The following DAAM2 variants were observed in gnomAD, a reference collection of about 807,000 sequenced individuals.
DAAM2 encodes the protein dishevelled associated activator of morphogenesis 2.
Under a neutral mutation model 120.7 loss-of-function variants are expected in DAAM2, and 39 were observed. The ratio of observed to expected loss-of-function variants is 0.32; its 90% CI spans 0.25 to 0.42. The LOEUF is 0.42. Ranked by LOEUF, DAAM2 falls within the 10% of genes least tolerant of loss-of-function variation. The pLI is 1.00. For missense variants in DAAM2, 1,283 were observed against 1,401.7 expected, an observed-to-expected ratio of 0.92 and a Z score of 1.35; for synonymous variants, 488 against 524.9, an observed-to-expected ratio of 0.93 and a Z score of 0.96.
intron 19 of DAAM2, among the ~76,000 whole-genome samples, chr6:39,894,339 A>T (rs762446182): frequency 2.6e-5 from 4 of 152,230 alleles, no homozygotes; most frequent in Non-Finnish European, 4.4e-5. Flanking sequence ...CAACCAATAT[A>T]AATTGCCAGA....
intron 10 of DAAM2, 75 bp from the exon 11 acceptor site, chr6:39,875,255 C>T: frequency 6.6e-7 from 1 of 1,517,022 alleles, no homozygotes; most frequent in South Asian, 1.3e-5. Context: ...AGCCAGACCC[C>T]AGGCAGCAAC....
At chr6:39,845,854 T>G (rs1224222944) in intron 1 of DAAM2, among the ~76,000 whole-genome samples, 2 of 151,972 alleles carry the variant, frequency 1.3e-5, no homozygotes, top group Non-Finnish European at 2.9e-5. Flanking sequence ...ACCTAGGCTG[T>G]GAGTGCCCTG....
intron 1 of DAAM2, among the ~76,000 whole-genome samples, chr6:39,836,524 T>C (rs758778478): frequency 1.3e-5 from 2 of 152,218 alleles, no homozygotes; most frequent in Non-Finnish European, 2.9e-5. Context: ...CAAGGTCATA[T>C]TGTTAGTTGG....
chr6:39,885,542 G>C (rs1765338293), intron 15 of DAAM2: 1 of 152,352 alleles, frequency 6.6e-6, no homozygotes, highest in Non-Finnish European at 1.5e-5. Flanking sequence ...CAGGAAAGAA[G>C]GTTATGGATT....
chr6:39,891,016 C>A (rs1765676143), intron 17 of DAAM2, among the ~76,000 whole-genome samples: 1 of 151,632 alleles, frequency 6.6e-6, no homozygotes, highest in Non-Finnish European at 1.5e-5. Context: ...TTGCTTCAGC[C>A]CAGGAGGTCA....
chr6:39,794,275 C>T (rs180727188), intron 1 of DAAM2, among the ~76,000 whole-genome samples: 1 of 152,334 alleles, frequency 6.6e-6, no homozygotes, highest in Non-Finnish European at 1.5e-5. Flanking sequence ...TGGCCTTAGA[C>T]ATGGGAGGAT....
intron 21 of DAAM2, among the ~76,000 whole-genome samples, chr6:39,897,604 G>A (rs1466102101): frequency 6.6e-6 from 1 of 152,178 alleles, no homozygotes; most frequent in African/African-American, 2.4e-5. Flanking sequence ...AGACTTACAC[G>A]ATTATTCATA....
At chr6:39,891,751 A>AGT (rs1306586425) in intron 19 of DAAM2, 29 bp downstream of exon 19, 1 of 1,554,900 alleles carries the variant, frequency 6.4e-7, no homozygotes, top group East Asian at 2.4e-5. Context: ...GGAGGCTTAG[A>AGT]GTGGAGAGTT....
chr6:39,838,867 C>A (rs1763208537), intron 1 of DAAM2, among the ~76,000 whole-genome samples: 1 of 152,060 alleles, frequency 6.6e-6, no homozygotes, highest in Non-Finnish European at 1.5e-5. Context: ...CCATGTTGGC[C>A]AGGCTGGTCT....
intron 3 of DAAM2, chr6:39,862,135 A>T (rs1764236794): frequency 1.3e-5 from 2 of 152,204 alleles, no homozygotes; most frequent in South Asian, 4.1e-4. Flanking sequence ...TAGAGAGGCA[A>T]AACTCACCCA....
At chr6:39,807,539 C>CA in intron 1 of DAAM2, among the ~76,000 whole-genome samples, 1 of 151,524 alleles carries the variant, frequency 6.6e-6, no homozygotes, top group South Asian at 2.1e-4. Flanking sequence ...ATTTTTGAGA[C>CA]AGAGTCTCAC....
intron 1 of DAAM2, among the ~76,000 whole-genome samples, chr6:39,802,745 C>T (rs1233996222): frequency 6.6e-6 from 1 of 152,086 alleles, no homozygotes; most frequent in African/African-American, 2.4e-5. Flanking sequence ...TTTATTTTGT[C>T]TTAACTTTTT....
At chr6:39,843,717 C>T (rs1259266153) in intron 1 of DAAM2, among the ~76,000 whole-genome samples, 1 of 152,228 alleles carries the variant, frequency 6.6e-6, no homozygotes, top group African/African-American at 2.4e-5. Context: ...GTGGGACAGC[C>T]TGGACCTTTC....
Position 39,861,005 on chromosome 6 carries a change from C to T in DAAM2, c.246C>T (p.Cys82=), listed in dbSNP as rs769303560. The T allele has an allele frequency of 1.2e-5, 20 of 1,611,008 alleles. No individual in the cohort carries two copies. Among genetic ancestry groups the T allele is most frequent in the Non-Finnish European group, 1.6e-5 (19 of 1,178,636 alleles). ...LPPEKKWQIY[C]SKKKEQEDPN... ...CTGAGAAGAAATGGCAGATCTACTG[C>T]AGCAAGAAGAAGGTGCCCTCTCTGA... is the stretch of plus-strand genomic sequence containing the variant. Residue 82 remains cysteine (C), a synonymous_variant, in exon 3 of 25, where the codon TGC becomes TGT. Coordinates refer to ENST00000274867, the MANE Select transcript of DAAM2 (RefSeq NM_001201427.2).
Position 39,901,585 on chromosome 6 carries a change from C to A in DAAM2, c.2982+113C>A. 1.6e-6 allele frequency: 2 copies of A among 1,239,856 alleles called. No homozygotes were observed. The highest frequency in any genetic ancestry group is 2.2e-6 in the Non-Finnish European group (2 of 908,326). The allele number at this position is 1,239,856 out of a possible 1,614,324, so 76.8% of individuals were successfully genotyped here. On this transcript the variant is annotated intron_variant, in intron 24 of 24. Coordinates refer to ENST00000274867, the MANE Select transcript of DAAM2 (RefSeq NM_001201427.2). This position sits in a 1 kb window ranked among gnomAD's most constrained non-coding sequence, Gnocchi z 4.5. Reference sequence around the variant, plus strand: ...CAGAGACTGAGGAACTGAGGAACACCATAGGGGTTGGATGTCAGCCCCAGG... The same window carrying A: ...CAGAGACTGAGGAACTGAGGAACACAATAGGGGTTGGATGTCAGCCCCAGG...
At chr6:39,824,587 A>T (rs1762602220) in intron 1 of DAAM2, among the ~76,000 whole-genome samples, 1 of 152,050 alleles carries the variant, frequency 6.6e-6, no homozygotes, top group South Asian at 2.1e-4. Flanking sequence ...AAGAAAACAA[A>T]CCCCACATCC....
In DAAM2 at chr6:39,902,167, G is replaced by C. The variant is rs1285278433; in HGVS notation, c.*130G>C. Reference sequence around the variant, plus strand: ...CCTTGGGCTGGGTCCTGGGATGGGGGGCTGTGTGTGGCTGGACCAGGTGTC... The same window carrying C: ...CCTTGGGCTGGGTCCTGGGATGGGGCGCTGTGTGTGGCTGGACCAGGTGTC... On this transcript the variant is annotated 3_prime_UTR_variant, in exon 25 of 25. Coordinates refer to ENST00000274867, the MANE Select transcript of DAAM2 (RefSeq NM_001201427.2). 10 of 699,320 alleles carry C rather than the reference G, an allele frequency of 1.4e-5. No individual in the cohort carries two copies. The highest frequency in any genetic ancestry group is 2.3e-5 in the Non-Finnish European group (10 of 440,258). The allele number at this position is 699,320 out of a possible 1,614,324, so 43.3% of individuals were successfully genotyped here.
At chr6:39,894,526 C>G in intron 19 of DAAM2, among the ~76,000 whole-genome samples, 1 of 140,778 alleles carries the variant, frequency 7.1e-6, no homozygotes. Context: ...TCATGTCCCC[C>G]TCCCAAACTT....
chr6:39,879,906 C>T, intron 14 of DAAM2: 1 of 272,298 alleles, frequency 3.7e-6, no homozygotes, highest in South Asian at 3.6e-5. Context: ...CAAGACATAG[C>T]TATTTTGGCA....
Sources: gnomAD v4.1 joint callset for allele counts (sites outside exome capture counted in the v4.1 genomes callset) on GRCh38, gnomAD v4.1.1 for gene constraint, Gnocchi (gnomAD v3.1) non-coding constraint, MANE v1.5 for transcripts, NCBI Gene and HGNC (gene_info 2026-07-23, HGNC 2026-07-21) for gene names.